The following MAST4 variants were observed in gnomAD, a reference collection of about 807,000 sequenced individuals.
MAST4 encodes the protein microtubule-associated serine/threonine-protein kinase 4.
In MAST4, 89 loss-of-function variants were observed where a neutral mutation model predicts 162.7. That is an observed-to-expected ratio of 0.55 (90% CI 0.46 to 0.65). MAST4 has a LOEUF of 0.65. Among genes scored for constraint, MAST4 ranks in the 30% least tolerant of loss-of-function variants. MAST4 has a pLI of 0.00. For synonymous variants in MAST4, 1,479 were observed against 1,361.1 expected, an observed-to-expected ratio of 1.09 and a Z score of -1.91; for missense variants, 3,153 against 3,374.0, an observed-to-expected ratio of 0.93 and a Z score of 1.62.
At chr5:66,822,815 G>C (rs921630535) in intron 3 of MAST4, among the ~76,000 whole-genome samples, 2 of 152,164 alleles carry the variant, frequency 1.3e-5, no homozygotes, top group Non-Finnish European at 2.9e-5. Flanking sequence ...CACTTTGAAA[G>C]CACTGTTTCC....
Position 66,995,603 on chromosome 5 carries a change from A to C in MAST4, c.675-58801A>C, listed in dbSNP as rs1227209333. ...TTTTTAGTAGAGACGGGGTTTCACC[A>C]TGTTGGCCAGGATGGTCTCAATCTC... On this transcript the variant is annotated intron_variant, in intron 4 of 28. Coordinates refer to ENST00000403625, the MANE Select transcript of MAST4 (RefSeq NM_001164664.2). 5.3e-5 allele frequency among the ~76,000 whole-genome samples: 8 copies of C among 152,250 alleles called. No individual in the cohort carries two copies. In the East Asian group the frequency reaches 1.5e-3, roughly 29 times the overall value.
At chr5:66,796,493 C>T (rs1755652379) in intron 3 of MAST4, among the ~76,000 whole-genome samples, 1 of 152,148 alleles carries the variant, frequency 6.6e-6, no homozygotes. Flanking sequence ...GAGCAGCTCT[C>T]TGCATGGGTC....
chr5:67,078,911 A>AATAAATATATATATATAAT (rs1227485756), intron 5 of MAST4, among the ~76,000 whole-genome samples: 27 of 38,110 alleles, frequency 7.1e-4, no homozygotes, highest in African/African-American at 9.9e-4. Context: ...TTTTTATATA[A>AATAAATATATATATATAAT]ATATATATAT....
At chr5:66,837,892 A>ATTT (rs1428832198) in intron 3 of MAST4, among the ~76,000 whole-genome samples, 3 of 35,024 alleles carry the variant, frequency 8.6e-5, no homozygotes, top group East Asian at 3.7e-3. Flanking sequence ...ATATATATAT[A>ATTT]TATTTTTTTT....
intron 5 of MAST4, among the ~76,000 whole-genome samples, chr5:67,062,396 C>CAA (rs928520402): frequency 1.4e-5 from 2 of 144,150 alleles, no homozygotes; most frequent in Non-Finnish European, 3.1e-5. Flanking sequence ...AGATGGTCCC[C>CAA]AAAAAAAAAA....
intron 1 of MAST4, among the ~76,000 whole-genome samples, chr5:66,706,112 C>T (rs1750108331): frequency 6.6e-6 from 1 of 152,158 alleles, no homozygotes; most frequent in Admixed American, 6.5e-5. Context: ...CTAGGCTCTA[C>T]TTTAAGTCAC....
intron 1 of MAST4, among the ~76,000 whole-genome samples, chr5:66,748,039 T>C (rs751242286): frequency 6.6e-6 from 1 of 152,124 alleles, no homozygotes; most frequent in Non-Finnish European, 1.5e-5. Flanking sequence ...TGATAGGGTG[T>C]GGGCTTTGCC....
At chr5:66,681,050 C>G (rs1748298163) in intron 1 of MAST4, among the ~76,000 whole-genome samples, 1 of 152,166 alleles carries the variant, frequency 6.6e-6, no homozygotes, top group South Asian at 2.1e-4. Context: ...AATATGATAC[C>G]ACTCCCAAAT....
At chr5:66,863,293 C>G (rs1164023721) in intron 3 of MAST4, among the ~76,000 whole-genome samples, 1 of 152,174 alleles carries the variant, frequency 6.6e-6, no homozygotes, top group Non-Finnish European at 1.5e-5. Flanking sequence ...TCCCATCAGA[C>G]ACATAGGCAC....
At chr5:67,117,767 T>TA (rs1413649788) in intron 12 of MAST4, among the ~76,000 whole-genome samples, 1 of 151,482 alleles carries the variant, frequency 6.6e-6, no homozygotes, top group African/African-American at 2.4e-5. Flanking sequence ...TTTTAAAGTA[T>TA]AAAAAAGAAA....
In MAST4 at chr5:66,779,908, G is replaced by A. The variant is rs370819621; in HGVS notation, c.518-8762G>A. Among the ~76,000 whole-genome samples, 6 of 152,136 alleles carry A rather than the reference G, an allele frequency of 3.9e-5. No homozygotes were observed. In the East Asian group the frequency reaches 1.2e-3, roughly 29 times the overall value. On this transcript the variant is annotated intron_variant, in intron 2 of 28. Transcript: ENST00000403625. ...CCCCTAACTTATAAATGATTGGGAGGGCTTATGTTATGAAGTATAATTTGC... is the reference window on the plus strand; with the variant it reads ...CCCCTAACTTATAAATGATTGGGAGAGCTTATGTTATGAAGTATAATTTGC...
At chr5:67,155,717 C>T (rs1403941205) in intron 26 of MAST4, among the ~76,000 whole-genome samples, 1 of 152,026 alleles carries the variant, frequency 6.6e-6, no homozygotes, top group South Asian at 2.1e-4. Flanking sequence ...TCTGTCAAGC[C>T]GCTGATGTGC....
chr5:67,142,604 G>A (rs1581703767), intron 21 of MAST4, 71 bp downstream of exon 21: 11 of 1,016,688 alleles, frequency 1.1e-5, no homozygotes, highest in South Asian at 1.5e-5. Flanking sequence ...TAGTATCCCC[G>A]AACAGCTGGA....
chr5:66,759,584 A>G, intron 1 of MAST4, 125 bp from the exon 2 acceptor site: 4 of 1,191,246 alleles, frequency 3.4e-6, no homozygotes, highest in Non-Finnish European at 4.6e-6. Flanking sequence ...GCAAAATTGA[A>G]CACAGTGTTG....
chr5:67,080,490 TA>T (rs1762472976), intron 5 of MAST4, among the ~76,000 whole-genome samples: 1 of 152,132 alleles, frequency 6.6e-6, no homozygotes, highest in Non-Finnish European at 1.5e-5. Context: ...GTGTGTGGCT[TA>T]AAACAAGCTC....
chr5:66,857,883 A>G (rs1759804065), intron 3 of MAST4, among the ~76,000 whole-genome samples: 1 of 151,994 alleles, frequency 6.6e-6, no homozygotes. Flanking sequence ...TATGAATTTT[A>G]CTTTCTCTAC....
chr5:66,844,550 G>A (rs1462284111), intron 3 of MAST4, among the ~76,000 whole-genome samples: 4 of 152,052 alleles, frequency 2.6e-5, no homozygotes, highest in Non-Finnish European at 2.9e-5. Flanking sequence ...ACGGATATTT[G>A]TTGTGCATTT....
intron 4 of MAST4, among the ~76,000 whole-genome samples, chr5:66,956,797 T>G (rs1466726274): frequency 1.3e-5 from 2 of 152,144 alleles, no homozygotes; most frequent in Non-Finnish European, 2.9e-5. Context: ...AACAGAAGAG[T>G]GACACATTCT....
chr5:66,997,187 A>G (rs1226552133), intron 4 of MAST4, among the ~76,000 whole-genome samples: 1 of 152,012 alleles, frequency 6.6e-6, no homozygotes, highest in Non-Finnish European at 1.5e-5. Context: ...GTATATATGG[A>G]CACATACATT....
Sources: allele counts gnomAD v4.1 joint callset (sites outside exome capture counted in the v4.1 genomes callset), GRCh38; gene constraint gnomAD v4.1.1; transcripts MANE v1.5; gene names NCBI Gene and HGNC (gene_info 2026-07-23, HGNC 2026-07-21).